VPS13B: variants seen among roughly 807,000 people sequenced by gnomAD.
The protein encoded by VPS13B is intermembrane lipid transfer protein VPS13B.
In VPS13B, 285 loss-of-function variants were observed where a neutral mutation model predicts 426.4. The observed-to-expected ratio is 0.67, with a 90% CI of 0.61 to 0.74. The LOEUF is 0.74. Ranked by LOEUF, VPS13B falls within the 30% of genes least tolerant of loss-of-function variation. The pLI, the probability that VPS13B is intolerant of heterozygous loss-of-function variation, is 0.00. For missense variants in VPS13B, 4,537 were observed against 4,782.6 expected (o/e 0.95, Z 1.51); for synonymous variants, 1,676 against 1,676.4 (o/e 1.00, Z 0.01).
At position 99,501,764 on chromosome 8, in the gene VPS13B, A is replaced by G. The variant is rs975356010; in HGVS notation, c.3948A>G (p.Gly1316=). ...VTLEQTTSNI[G]GTSGRVSLWM... ...TGGAACAAACTACAAGTAATATTGG[A>G]GGAACCAGTGGACGTGTTAGTTTAT... is the stretch of plus-strand genomic sequence containing the variant. Residue 1316 remains glycine (G), a synonymous_variant, in exon 26 of 62, where the codon GGA becomes GGG. Transcript: ENST00000357162. The G allele has an allele frequency of 2.5e-6, 4 of 1,614,084 alleles. No homozygotes were observed. Among genetic ancestry groups the G allele is most frequent in the Non-Finnish European group, 3.4e-6 (4 of 1,180,002 alleles).
intron 24 of VPS13B, among the ~76,000 whole-genome samples, chr8:99,468,881 C>T (rs1435427267): frequency 6.6e-6 from 1 of 152,120 alleles, no homozygotes; most frequent in Non-Finnish European, 1.5e-5. Flanking sequence ...TGATACTTCT[C>T]TTTGGACTAT....
At chr8:99,527,685 G>A (rs1822719794) in intron 30 of VPS13B, 1 of 152,096 alleles carries the variant, frequency 6.6e-6, no homozygotes, top group African/African-American at 2.4e-5. Flanking sequence ...AAACAGTTAA[G>A]TAAGATGTTA....
chr8:99,323,471 A>G (rs990390216), intron 19 of VPS13B, among the ~76,000 whole-genome samples: 2 of 152,224 alleles, frequency 1.3e-5, no homozygotes, highest in African/African-American at 4.8e-5. Flanking sequence ...CATTGAGAAA[A>G]CAGGCTTAGG....
At chr8:99,858,650 A>C (rs1044262487) in intron 56 of VPS13B, among the ~76,000 whole-genome samples, 4 of 151,510 alleles carry the variant, frequency 2.6e-5, no homozygotes, top group African/African-American at 9.7e-5. Context: ...GCACCACTGC[A>C]CTCCAGCCTG....
chr8:99,815,414 G>C lies in VPS13B; in HGVS notation c.8098-2126G>C, dbSNP rs534064045. On this transcript the variant is annotated intron_variant, in intron 44 of 61. Coordinates refer to ENST00000357162, the MANE Select transcript of VPS13B (RefSeq NM_152564.5). ...TAGCTCAAGCAGTCAGGCAAAATGAGTTTCCTCTTACTTAGCCTTTTCCTT... is the reference window on the plus strand; with the variant it reads ...TAGCTCAAGCAGTCAGGCAAAATGACTTTCCTCTTACTTAGCCTTTTCCTT... Among the ~76,000 whole-genome samples the C allele has an allele frequency of 4.7e-4, 71 of 152,176 alleles. 2 individuals carry two copies. The South Asian group carries it at 0.011, about 24-fold the overall frequency.
chr8:99,507,657 CCTAAAT>C, intron 28 of VPS13B: 2 of 1,542,144 alleles, frequency 1.3e-6, no homozygotes, highest in Non-Finnish European at 1.8e-6. Context: ...GTTGCTCAAA[CCTAAAT>C]TTATACAAAC....
chr8:99,699,684 AT>A lies in VPS13B; in HGVS notation c.6207del (p.Leu2070PhefsTer48), dbSNP rs1228870853. On this transcript the variant is annotated frameshift_variant, in exon 36 of 62. Coordinates refer to ENST00000357162, the MANE Select transcript of VPS13B (RefSeq NM_152564.5). LOFTEE classifies it high-confidence loss of function. Reference sequence around the variant, plus strand: ...TCCAACACCATGGTGAATAAGGATGATCTTCCAGTCTCCAAATATTACCGTG... The same window carrying A: ...TCCAACACCATGGTGAATAAGGATGACTTCCAGTCTCCAAATATTACCGTG... ...AMSNTMVNKD[D>X]LPVSKYYRGK... is the part of the protein sequence containing the mutation. The A allele has an allele frequency of 6.2e-7, 1 of 1,614,184 alleles. No individual in the cohort carries two copies. The highest frequency in any genetic ancestry group is 1.1e-5 in the South Asian group (1 of 91,080).
intron 33 of VPS13B, among the ~76,000 whole-genome samples, chr8:99,603,544 G>C (rs1827423644): frequency 6.6e-6 from 1 of 152,128 alleles, no homozygotes; most frequent in Non-Finnish European, 1.5e-5. Context: ...AGGAACAGTT[G>C]ATCTGATCAT....
chr8:99,493,780 T>TAAAAAAAAAAAAAAAAAAAAAAAAA (rs376555643), intron 25 of VPS13B, among the ~76,000 whole-genome samples: 13 of 61,084 alleles, frequency 2.1e-4, no homozygotes, highest in East Asian at 4.6e-4. Flanking sequence ...AGACTCTATC[T>TAAAAAAAAAAAAAAAAAAAAAAAAA]AAAAAAAAAA....
intron 10 of VPS13B, 148 bp downstream of exon 10, chr8:99,135,285 C>A: frequency 7.8e-7 from 1 of 1,279,742 alleles, no homozygotes; most frequent in Non-Finnish European, 1.1e-6. Flanking sequence ...GTTTCACCTG[C>A]CAGAAATTAT....
chr8:99,184,130 A>G (rs1395614465), intron 16 of VPS13B, among the ~76,000 whole-genome samples: 1 of 152,158 alleles, frequency 6.6e-6, no homozygotes, highest in East Asian at 1.9e-4. Flanking sequence ...TCACCAGCTG[A>G]TAGACATTTG....
In VPS13B at chr8:99,035,467, C is replaced by T. The variant is rs546173893; in HGVS notation, c.148-2956C>T. Among the ~76,000 whole-genome samples, 3 of 152,266 alleles carry T rather than the reference C, an allele frequency of 2.0e-5. No individual in the cohort carries two copies. In the South Asian group the frequency reaches 6.2e-4, roughly 32 times the overall value. On this transcript the variant is annotated intron_variant, in intron 2 of 61. Transcript: ENST00000357162. ...CTTATTTTATTTACCATAATGTCCTCATGTTTCATCCATGTTGTGGTATAT... is the reference window on the plus strand; with the variant it reads ...CTTATTTTATTTACCATAATGTCCTTATGTTTCATCCATGTTGTGGTATAT...
intron 50 of VPS13B, 124 bp downstream of exon 50, chr8:99,821,606 A>G (rs890011508): frequency 8.5e-7 from 1 of 1,169,636 alleles, no homozygotes; most frequent in African/African-American, 1.5e-5. Context: ...AATTTATAAC[A>G]GTACATTTGA....
intron 54 of VPS13B, among the ~76,000 whole-genome samples, chr8:99,841,771 C>T (rs1815696699): frequency 1.3e-5 from 2 of 152,198 alleles, no homozygotes; most frequent in African/African-American, 4.8e-5. Flanking sequence ...CTGCCCCTTT[C>T]TTCTGTGACT....
intron 34 of VPS13B, among the ~76,000 whole-genome samples, chr8:99,653,574 G>T (rs1829908398): frequency 6.6e-6 from 1 of 150,546 alleles, no homozygotes; most frequent in Admixed American, 6.6e-5. Flanking sequence ...ATTTTAATAA[G>T]AAAGAGATCA....
At chr8:99,559,686 T>C (rs1824791152) in intron 31 of VPS13B, among the ~76,000 whole-genome samples, 1 of 152,214 alleles carries the variant, frequency 6.6e-6, no homozygotes, top group East Asian at 1.9e-4. Context: ...TTGCTTGTTT[T>C]TGTCAGGTTT....
At chr8:99,135,780 G>A (rs1810040345) in intron 11 of VPS13B, 47 bp downstream of exon 11, 1 of 1,609,254 alleles carries the variant, frequency 6.2e-7, no homozygotes, top group Admixed American at 1.7e-5. Flanking sequence ...TGTTTGGGTG[G>A]ACACATTGTA....
At chr8:99,408,687 G>A (rs116177350) in intron 21 of VPS13B, among the ~76,000 whole-genome samples, 1,933 of 152,266 alleles carry the variant, frequency 0.013, 47 homozygotes, top group African/African-American at 0.044. Context: ...CCTGGAAATA[G>A]AATCCTCATA....
At chr8:99,234,094 C>A in intron 17 of VPS13B, 1 of 785,968 alleles carries the variant, frequency 1.3e-6, no homozygotes, top group South Asian at 1.4e-5. Flanking sequence ...GCCCCCAGGG[C>A]GTGACCTTGC....
Sources: allele counts gnomAD v4.1 joint callset (sites outside exome capture counted in the v4.1 genomes callset), GRCh38; gene constraint gnomAD v4.1.1; transcripts MANE v1.5; gene names NCBI Gene and HGNC (gene_info 2026-07-23, HGNC 2026-07-21).